Variants in GLCE observed in about 807,000 individuals in gnomAD.
The protein encoded by GLCE is glucuronic acid epimerase, also known as D-glucuronyl C5-epimerase.
A neutral mutation model predicts 47.9 loss-of-function variants in GLCE; 19 were observed. The ratio of observed to expected loss-of-function variants is 0.40; its 90% CI spans 0.28 to 0.58. The LOEUF is 0.58. GLCE is among the 20% of genes least tolerant of loss of function. The pLI is 0.48. For missense variants in GLCE, 556 were observed against 743.3 expected (o/e 0.75, Z 2.93); for synonymous variants, 245 against 263.4 (o/e 0.93, Z 0.68).
chr15:69,249,970 C>A (rs995700507), intron 2 of GLCE, among the ~76,000 whole-genome samples: 2 of 152,120 alleles, frequency 1.3e-5, no homozygotes, highest in African/African-American at 4.8e-5. Context: ...TACTGCATGA[C>A]ATTTTCTGTT....
Position 69,270,327 on chromosome 15 carries a change from TA to T in GLCE, c.*1085del, listed in dbSNP as rs2053148259. 6.6e-6 allele frequency: 1 copy of T among 152,156 alleles called. No individual in the cohort carries two copies. The highest frequency in any genetic ancestry group is 2.4e-5 in the African/African-American group (1 of 41,442). 9.4% of individuals were successfully genotyped at this position (152,156 alleles called of 1,614,324 possible). A position where few individuals can be genotyped will look rare whatever the true frequency, so the allele number is the denominator to read the frequency against. ...CTGTGCATCATTGGGTGTTTTTTTT[TA>T]ATTTAATTTTAAATTATCCCAGCTA... is the stretch of plus-strand genomic sequence containing the variant. On this transcript the variant is annotated 3_prime_UTR_variant, in exon 5 of 5. Coordinates refer to ENST00000261858, the MANE Select transcript of GLCE (RefSeq NM_015554.3).
intron 2 of GLCE, among the ~76,000 whole-genome samples, chr15:69,249,581 G>T (rs191923312): frequency 6.6e-5 from 10 of 152,222 alleles, no homozygotes; most frequent in Non-Finnish European, 1.2e-4. Flanking sequence ...AAATAGATGT[G>T]TAAGTAGATA....
At position 69,268,878 on chromosome 15, in the gene GLCE, G is replaced by C; in HGVS notation, c.1488G>C (p.Trp496Cys). ...VKAVFMNKHD[W>C]YEEYPTTPSS... ...CTGTGTTTATGAATAAACATGACTG[G>C]TATGAAGAATATCCAACCACACCTA... is the stretch of plus-strand genomic sequence containing the variant. Residue 496 changes from tryptophan (W) to cysteine (C), a missense_variant, in exon 5 of 5, where the codon TGG becomes TGC. Transcript: ENST00000261858. 1 of 1,614,022 alleles carries C rather than the reference G, an allele frequency of 6.2e-7. No individual in the cohort carries two copies. Among genetic ancestry groups the C allele is most frequent in the Non-Finnish European group, 8.5e-7 (1 of 1,179,916 alleles).
intron 1 of GLCE, among the ~76,000 whole-genome samples, chr15:69,164,604 G>A (rs7183421): frequency 0.65 from 97,802 of 151,224 alleles, 34,413 homozygotes; most frequent in Non-Finnish European, 0.77. Context: ...TAGAGTTTTT[G>A]TGTTGCAAGT....
At chr15:69,259,587 CTT>C (rs931610592) in intron 3 of GLCE, among the ~76,000 whole-genome samples, 1 of 152,178 alleles carries the variant, frequency 6.6e-6, no homozygotes, top group African/African-American at 2.4e-5. Flanking sequence ...TGAATCATCT[CTT>C]TTCCCACTGA....
intron 4 of GLCE, among the ~76,000 whole-genome samples, chr15:69,266,076 G>C (rs1321960752): frequency 2.0e-5 from 3 of 152,186 alleles, no homozygotes; most frequent in Admixed American, 2.0e-4. Context: ...ATTTTTTACT[G>C]TATTAGAAGT....
intron 2 of GLCE, among the ~76,000 whole-genome samples, chr15:69,222,193 A>G (rs572524114): frequency 6.6e-5 from 10 of 152,210 alleles, no homozygotes; most frequent in Non-Finnish European, 1.2e-4. Context: ...AGGCTGGGCT[A>G]GAGGGGCTGA....
chr15:69,227,641 T>G (rs1290552275), intron 2 of GLCE, among the ~76,000 whole-genome samples: 1 of 152,320 alleles, frequency 6.6e-6, no homozygotes, highest in South Asian at 2.1e-4. Context: ...AAAACAGTCT[T>G]TGTGTGCAGC....
chr15:69,165,204 T>G (rs919928452), intron 1 of GLCE, among the ~76,000 whole-genome samples: 9 of 152,184 alleles, frequency 5.9e-5, no homozygotes, highest in Admixed American at 4.6e-4. Flanking sequence ...CAGCATCCAC[T>G]AGCTATTCTT....
chr15:69,223,108 G>T (rs2052399633), intron 2 of GLCE, among the ~76,000 whole-genome samples: 1 of 152,194 alleles, frequency 6.6e-6, no homozygotes. Context: ...AAAAAGTGAA[G>T]TTACAGACCA....
At position 69,268,663 on chromosome 15, in the gene GLCE, A is replaced by T; in HGVS notation, c.1273A>T (p.Met425Leu). 1 of 1,614,214 alleles carries T rather than the reference A, an allele frequency of 6.2e-7. No homozygotes were observed. Among genetic ancestry groups the T allele is most frequent in the Non-Finnish European group, 8.5e-7 (1 of 1,180,028 alleles). Reference protein sequence around the residue: ...NQDEKGGWPIMVTRKLGEGFK... With the variant: ...NQDEKGGWPILVTRKLGEGFK... ...GGATGAGAAAGGTGGCTGGCCAATT[A>T]TGGTGACCCGTAAGTTAGGGGAAGG... Residue 425 changes from methionine (M) to leucine (L), a missense_variant, in exon 5 of 5, where the codon ATG (methionine) becomes TTG (leucine). By Grantham distance (15) the Met-to-Leu change is conservative (BLOSUM62 2). Transcript: ENST00000261858.
At chr15:69,256,414 T>C in intron 3 of GLCE, 22 bp downstream of exon 3, 1 of 1,492,282 alleles carries the variant, frequency 6.7e-7, no homozygotes, top group Non-Finnish European at 9.3e-7. Context: ...TCTGCTTCAC[T>C]TGCATTTTTC....
chr15:69,256,252 A>C lies in GLCE; in HGVS notation c.446A>C (p.Tyr149Ser), dbSNP rs1355473285. The C allele has an allele frequency of 6.2e-7, 1 of 1,614,100 alleles. No individual in the cohort carries two copies. Among genetic ancestry groups the C allele is most frequent in the Admixed American group, 1.7e-5 (1 of 60,018 alleles). ...VYGKVVQYDGYDRFEFSHSYS... is the reference protein window; with the variant it reads ...VYGKVVQYDGSDRFEFSHSYS... ...GGAAAGGTGGTTCAGTATGATGGCT[A>C]TGATCGGTTTGAATTCTCTCATAGC... The change falls in exon 3 of 5, where the codon TAT becomes TCT. Residue 149 changes from tyrosine (Y) to serine (S), a missense_variant. Physicochemically the swap from Tyr to Ser is moderately radical, Grantham distance 144. Around this residue, in one of 3 missense-constraint regions of GLCE, gnomAD observed 237 missense variants for 310.9 expected, o/e 0.76. Coordinates refer to ENST00000261858, the MANE Select transcript of GLCE (RefSeq NM_015554.3).
chr15:69,188,099 T>C (rs1172643835), intron 1 of GLCE, among the ~76,000 whole-genome samples: 1 of 151,578 alleles, frequency 6.6e-6, no homozygotes, highest in Non-Finnish European at 1.5e-5. Context: ...AAAAATTAGC[T>C]GGGCCTGGTG....
chr15:69,172,080 C>T (rs1183361271), intron 1 of GLCE, among the ~76,000 whole-genome samples: 1 of 152,126 alleles, frequency 6.6e-6, no homozygotes, highest in East Asian at 1.9e-4. Context: ...CTTATATAAT[C>T]ATGTTATATT....
chr15:69,203,463 A>G (rs945794882), intron 1 of GLCE, among the ~76,000 whole-genome samples: 5 of 152,094 alleles, frequency 3.3e-5, no homozygotes, highest in South Asian at 2.1e-4. Context: ...GTTGAACATC[A>G]AGTGAGAAGA....
At position 69,271,824 on chromosome 15, in the gene GLCE, A is replaced by G. The variant is rs2053170633; in HGVS notation, c.*2580A>G. The G allele has an allele frequency of 6.5e-6, 1 of 152,678 alleles. No homozygotes were observed. The highest frequency in any genetic ancestry group is 2.4e-5 in the African/African-American group (1 of 41,466). 9.5% of individuals were successfully genotyped at this position (152,678 alleles called of 1,614,324 possible). ...CACGAACCATCCAGCGCACAGAAGC[A>G]AGTGCAAAAATGACACAAGCACAAC... On this transcript the variant is annotated 3_prime_UTR_variant, in exon 5 of 5. Transcript: ENST00000261858.
chr15:69,269,518 G>A lies in GLCE; in HGVS notation c.*274G>A, dbSNP rs567520726. Reference sequence around the variant, plus strand: ...CTTGCCCATCACCCTATACAGTTTCGCAGATAGTCTAGTCACTCTATGTGA... The same window carrying A: ...CTTGCCCATCACCCTATACAGTTTCACAGATAGTCTAGTCACTCTATGTGA... On this transcript the variant is annotated 3_prime_UTR_variant, in exon 5 of 5. Coordinates refer to ENST00000261858, the MANE Select transcript of GLCE (RefSeq NM_015554.3). 8.5e-5 allele frequency: 35 copies of A among 410,446 alleles called. No homozygotes were observed. Among genetic ancestry groups the A allele is most frequent in the Middle Eastern group, 6.6e-4 (1 of 1,504 alleles). 25.4% of individuals were successfully genotyped at this position (410,446 alleles called of 1,614,324 possible). A position where few individuals can be genotyped will look rare whatever the true frequency, so the allele number is the denominator to read the frequency against.
chr15:69,223,888 A>T (rs1009278384), intron 2 of GLCE, among the ~76,000 whole-genome samples: 1 of 152,080 alleles, frequency 6.6e-6, no homozygotes, highest in African/African-American at 2.4e-5. Context: ...TGTACTTCTC[A>T]GCTCCAGAAT....
Sources: gnomAD v4.1 joint callset for allele counts (sites outside exome capture counted in the v4.1 genomes callset) on GRCh38, gnomAD v4.1.1 for gene constraint, gnomAD v4.1.1 regional missense constraint, MANE v1.5 for transcripts, NCBI Gene and HGNC (gene_info 2026-07-23, HGNC 2026-07-21) for gene names.